The following LCLAT1 variants were observed in gnomAD, a reference collection of about 807,000 sequenced individuals.
The protein encoded by LCLAT1 is lysocardiolipin acyltransferase 1.
Under a neutral mutation model 30.7 loss-of-function variants are expected in LCLAT1, and 11 were observed. The ratio of observed to expected loss-of-function variants is 0.36; its 90% CI spans 0.23 to 0.59. The LOEUF (loss-of-function observed/expected upper bound fraction) is 0.59, where lower values mean the gene tolerates loss of function less well. Among genes scored for constraint, LCLAT1 ranks in the 20% least tolerant of loss-of-function variants. The probability of loss-of-function intolerance (pLI) is 0.77; values close to 1 mark genes in which losing one functional copy is unlikely to be tolerated. For missense variants in LCLAT1, 402 were observed against 458.6 expected, an observed-to-expected ratio of 0.88 and a Z score of 1.13; for synonymous variants, 155 against 151.3, an observed-to-expected ratio of 1.02 and a Z score of -0.18.
chr2:30,585,260 A>C (rs1489264053), intron 5 of LCLAT1, among the ~76,000 whole-genome samples: 1 of 151,114 alleles, frequency 6.6e-6, no homozygotes, highest in Non-Finnish European at 1.5e-5. Flanking sequence ...TGATTTATCC[A>C]TCCTCGGTAA....
intron 1 of LCLAT1, among the ~76,000 whole-genome samples, chr2:30,508,776 A>C (rs1684799751): frequency 6.6e-6 from 1 of 152,128 alleles, no homozygotes; most frequent in Non-Finnish European, 1.5e-5. Context: ...TATGATTTTT[A>C]AAATAGTTTT....
At chr2:30,612,281 C>G (rs1021752208) in intron 5 of LCLAT1, among the ~76,000 whole-genome samples, 1 of 152,076 alleles carries the variant, frequency 6.6e-6, no homozygotes, top group Non-Finnish European at 1.5e-5. Flanking sequence ...TGTTTAACAT[C>G]GTCAAATATG....
intron 1 of LCLAT1, among the ~76,000 whole-genome samples, chr2:30,474,817 T>G (rs1248848553): frequency 2.0e-5 from 3 of 150,754 alleles, no homozygotes; most frequent in African/African-American, 2.4e-5. Flanking sequence ...CATGGCTAAT[T>G]TTTAAAAAAT....
intron 1 of LCLAT1, among the ~76,000 whole-genome samples, chr2:30,478,687 A>ATAGGTAGG (rs371152962): frequency 1.5e-5 from 2 of 132,556 alleles, no homozygotes; most frequent in Non-Finnish European, 3.4e-5. Context: ...AAATAGATAG[A>ATAGGTAGG]TAGGTAGGTA....
rs556646374 is a variant in LCLAT1, at chr2:30,593,195, T to C, written c.628+25019T>C. Among the ~76,000 whole-genome samples the C allele has an allele frequency of 2.0e-5, 3 of 152,348 alleles. No individual in the cohort carries two copies. The South Asian group carries it at 6.2e-4, about 32-fold the overall frequency. ...TCTCTCTGTGCTTGACTTATTTTAA[T>C]ATGATTACTTCCAGTTCCATCTATG... On this transcript the variant is annotated intron_variant, in intron 5 of 5. Transcript: ENST00000379509.
intron 1 of LCLAT1, among the ~76,000 whole-genome samples, chr2:30,486,850 C>A (rs550385472): frequency 2.6e-5 from 4 of 152,296 alleles, no homozygotes; most frequent in Non-Finnish European, 4.4e-5. Context: ...AATTGCCCCA[C>A]CAATGTGAGC....
chr2:30,534,679 T>G (rs1686155616), intron 3 of LCLAT1, among the ~76,000 whole-genome samples: 1 of 152,192 alleles, frequency 6.6e-6, no homozygotes, highest in South Asian at 2.1e-4. Flanking sequence ...CTGGCTTTCC[T>G]TAGAGAACAC....
intron 3 of LCLAT1, among the ~76,000 whole-genome samples, chr2:30,541,714 A>AACTC (rs1364902334): frequency 6.6e-6 from 1 of 152,212 alleles, no homozygotes; most frequent in Non-Finnish European, 1.5e-5. Context: ...ACCGTCATGT[A>AACTC]ACTCACAACA....
intron 3 of LCLAT1, among the ~76,000 whole-genome samples, chr2:30,542,953 C>CTTT (rs34535640): frequency 1.6e-5 from 2 of 124,228 alleles, no homozygotes; most frequent in Admixed American, 8.0e-5. Flanking sequence ...ACTTTTATGG[C>CTTT]TTTTTTTTTT....
chr2:30,561,419 A>G (rs1168123626), intron 3 of LCLAT1, among the ~76,000 whole-genome samples: 3 of 152,040 alleles, frequency 2.0e-5, no homozygotes, highest in Admixed American at 1.3e-4. Flanking sequence ...TTTGTGGGCT[A>G]TTGGACAGAC....
intron 2 of LCLAT1, among the ~76,000 whole-genome samples, chr2:30,531,639 A>G (rs1174460637): frequency 6.6e-6 from 1 of 152,178 alleles, no homozygotes; most frequent in Non-Finnish European, 1.5e-5. Flanking sequence ...ATCTGTAGCT[A>G]CTTAGCCCAA....
intron 5 of LCLAT1, among the ~76,000 whole-genome samples, chr2:30,630,290 T>C (rs972567549): frequency 6.6e-6 from 1 of 152,212 alleles, no homozygotes; most frequent in African/African-American, 2.4e-5. Context: ...TCTCCAAGTA[T>C]AGTCACATTG....
intron 5 of LCLAT1, among the ~76,000 whole-genome samples, chr2:30,614,672 G>T (rs1188942156): frequency 6.6e-6 from 1 of 152,178 alleles, no homozygotes; most frequent in Non-Finnish European, 1.5e-5. Context: ...TATGAAATTA[G>T]TAAATATGTG....
chr2:30,482,735 A>G (rs1683380296), intron 1 of LCLAT1, among the ~76,000 whole-genome samples: 1 of 151,868 alleles, frequency 6.6e-6, no homozygotes, highest in South Asian at 2.1e-4. Context: ...TAGTAGTTCG[A>G]TTAAGAGCAG....
At chr2:30,577,787 ATTCTTCTTC>A (rs148353400) in intron 5 of LCLAT1, among the ~76,000 whole-genome samples, 3 of 150,844 alleles carry the variant, frequency 2.0e-5, no homozygotes, top group South Asian at 2.1e-4. Context: ...TATTTGTGCT[ATTCTTCTTC>A]TTCTTCTTCT....
chr2:30,618,911 T>A (rs1668115527), intron 5 of LCLAT1, among the ~76,000 whole-genome samples: 1 of 152,176 alleles, frequency 6.6e-6, no homozygotes, highest in African/African-American at 2.4e-5. Flanking sequence ...CTTTTTTGTT[T>A]TTGCCTTATT....
In LCLAT1 at chr2:30,546,128, G is replaced by A. The variant is rs545594845; in HGVS notation, c.364+12814G>A. On this transcript the variant is annotated intron_variant, in intron 3 of 5. Coordinates refer to ENST00000379509, the MANE Select transcript of LCLAT1 (RefSeq NM_001002257.3). Reference sequence around the variant, plus strand: ...GAGTGAGATCAGAGAGAAGCCAGCAGGAACAGCATGGCCTCTGATGAATGC... The same window carrying A: ...GAGTGAGATCAGAGAGAAGCCAGCAAGAACAGCATGGCCTCTGATGAATGC... Among the ~76,000 whole-genome samples the A allele has an allele frequency of 7.9e-5, 12 of 152,240 alleles. No homozygotes were observed. The East Asian group carries it at 2.1e-3, about 27-fold the overall frequency.
At chr2:30,615,230 G>C (rs1277091314) in intron 5 of LCLAT1, among the ~76,000 whole-genome samples, 6 of 152,070 alleles carry the variant, frequency 3.9e-5, no homozygotes, top group African/African-American at 7.2e-5. Context: ...GGCAAGAGCA[G>C]GTGAGATAGA....
intron 5 of LCLAT1, among the ~76,000 whole-genome samples, chr2:30,609,394 C>A (rs986459494): frequency 6.6e-6 from 1 of 152,066 alleles, no homozygotes; most frequent in South Asian, 2.1e-4. Context: ...GAGTCCCTTA[C>A]ATGTGTTGTT....
Sources: allele counts gnomAD v4.1 joint callset (sites outside exome capture counted in the v4.1 genomes callset), GRCh38; gene constraint gnomAD v4.1.1; transcripts MANE v1.5; gene names NCBI Gene and HGNC (gene_info 2026-07-23, HGNC 2026-07-21).